The following ARFGAP2 variants were observed in gnomAD, a reference collection of about 807,000 sequenced individuals.
ARFGAP2 encodes ARF GTPase activating protein 2.
A neutral mutation model predicts 71.9 loss-of-function variants in ARFGAP2; 45 were observed. The observed-to-expected ratio is 0.63, with a 90% confidence interval of 0.49 to 0.80. The LOEUF (loss-of-function observed/expected upper bound fraction) is 0.80, where lower values mean the gene tolerates loss of function less well. Among genes scored for constraint, ARFGAP2 ranks in the 30% least tolerant of loss-of-function variants. The probability of loss-of-function intolerance (pLI) is 0.00; values close to 1 mark genes in which losing one functional copy is unlikely to be tolerated. For synonymous variants in ARFGAP2, 248 were observed against 249.2 expected (o/e 1.00, Z 0.05); for missense variants, 633 against 673.9 (o/e 0.94, Z 0.67).
intron 15 of ARFGAP2, 96 bp downstream of exon 15, chr11:47,166,171 CT>C (rs1952366557): frequency 7.6e-7 from 1 of 1,313,322 alleles, no homozygotes; most frequent in Admixed American, 1.8e-5. Context: ...CGAAAATGCT[CT>C]TAAGGCTCAG....
Position 47,166,578 on chromosome 11 carries a change from G to A in ARFGAP2, c.1354C>T (p.Gln452Ter), listed in dbSNP as rs1324705760. ...DAEYEARSRL[Q>*]QLSGSSAISS... is the part of the protein sequence containing the mutation. Reference sequence around the variant, plus strand: ...ATGGCACTGCTGCCTGAGAGCTGCTGCAGCCGAGACCTGGCCTCATACTGT... The same window carrying A: ...ATGGCACTGCTGCCTGAGAGCTGCTACAGCCGAGACCTGGCCTCATACTGT... Residue 452 changes from glutamine to a stop codon, truncating the protein, a stop_gained, in exon 14 of 16, where the codon CAG becomes TAG. Transcript: ENST00000524782. LOFTEE classifies it high-confidence loss of function. The A allele has an allele frequency of 1.9e-6, 3 of 1,612,126 alleles. No homozygotes were observed. Among genetic ancestry groups the A allele is most frequent in the Admixed American group, 1.7e-5 (1 of 60,008 alleles).
At chr11:47,173,385 C>A in intron 7 of ARFGAP2, 41 bp downstream of exon 7, 1 of 1,551,078 alleles carries the variant, frequency 6.4e-7, no homozygotes, top group South Asian at 1.2e-5. Context: ...TGAGGTCCAC[C>A]CTCTCCCAGA....
intron 7 of ARFGAP2, chr11:47,172,994 T>C (rs529353830): frequency 1.7e-5 from 6 of 353,014 alleles, no homozygotes; most frequent in Admixed American, 7.9e-5. Context: ...AAGGAAAATG[T>C]AGGAAAGAGT....
intron 8 of ARFGAP2, 165 bp from the exon 9 acceptor site, chr11:47,171,965 G>A: frequency 9.1e-7 from 1 of 1,104,068 alleles, no homozygotes; most frequent in East Asian, 2.5e-5. Context: ...CTCCGCTGGA[G>A]CTGGGCATGG....
Position 47,173,886 on chromosome 11 carries a change from C to T in ARFGAP2, c.481-46G>A, listed in dbSNP as rs759332918. On this transcript the variant is annotated intron_variant, in intron 5 of 15. Coordinates refer to ENST00000524782, the MANE Select transcript of ARFGAP2 (RefSeq NM_032389.6). ...CAGATGCCTCGGTGAGCCACTCCTG[C>T]TGGCAAGAAGCACCAAGACCTACAA... The T allele has an allele frequency of 7.1e-6, 11 of 1,559,706 alleles. 1 individual carries two copies. The South Asian group carries it at 8.2e-5, about 12-fold the overall frequency.
Position 47,167,615 on chromosome 11 carries a change from A to G in ARFGAP2, c.1205+294T>C, listed in dbSNP as rs368104606. On this transcript the variant is annotated intron_variant, in intron 12 of 15. Transcript: ENST00000524782. Reference sequence around the variant, plus strand: ...AGCTGCCAGGCCCTCTATGATGACAAAGCACAACTCAAACCGAAGCCTGAC... The same window carrying G: ...AGCTGCCAGGCCCTCTATGATGACAGAGCACAACTCAAACCGAAGCCTGAC... Among the ~76,000 whole-genome samples, 39 of 152,306 alleles carry G rather than the reference A, an allele frequency of 2.6e-4. No individual in the cohort carries two copies. In the South Asian group the frequency reaches 7.9e-3, roughly 31 times the overall value.
Position 47,174,034 on chromosome 11 carries a change from ACC to A in ARFGAP2, c.481-196_481-195del, listed in dbSNP as rs1393043448. The A allele has an allele frequency of 2.3e-5, 23 of 1,008,198 alleles. No homozygotes were observed. The East Asian group carries it at 5.9e-4, about 26-fold the overall frequency. The allele number at this position is 1,008,198 out of a possible 1,614,324, so 62.5% of individuals were successfully genotyped here. A position where few individuals can be genotyped will look rare whatever the true frequency, so the allele number is the denominator to read the frequency against. ...AGGAAGACAAGCAGCCCCCACCCCA[ACC>A]CCTTCACTATTTACTTAGAGCCAGA... is the stretch of plus-strand genomic sequence containing the variant. On this transcript the variant is annotated intron_variant, in intron 5 of 15. Transcript: ENST00000524782.
At chr11:47,167,744 T>A (rs1210416372) in intron 12 of ARFGAP2, among the ~76,000 whole-genome samples, 165 bp downstream of exon 12, 2 of 152,016 alleles carry the variant, frequency 1.3e-5, no homozygotes, top group African/African-American at 4.8e-5. Flanking sequence ...CCAACCACAT[T>A]TTAAGGGCTC....
chr11:47,172,566 G>A (rs1014265798), intron 7 of ARFGAP2: 1 of 1,077,838 alleles, frequency 9.3e-7, no homozygotes, highest in African/African-American at 1.6e-5. Flanking sequence ...AAGCACCAGA[G>A]ACGTCCGAAG....
chr11:47,170,646 C>CA lies in ARFGAP2; in HGVS notation c.941+779dup, dbSNP rs1206337815. 3.9e-5 allele frequency among the ~76,000 whole-genome samples: 6 copies of CA among 152,040 alleles called. No homozygotes were observed. The East Asian group carries it at 1.2e-3, about 29-fold the overall frequency. ...TGGGTGACAGAGTGAGACTTTGTCT[C>CA]AAAAAATAAAAATAAAAAGCCATAG... On this transcript the variant is annotated intron_variant, in intron 10 of 15. Coordinates refer to ENST00000524782, the MANE Select transcript of ARFGAP2 (RefSeq NM_032389.6).
rs1469771889 is a variant in ARFGAP2 at position 47,173,805 on chromosome 11, T to G, written c.516A>C (p.Ser172=). The G allele has an allele frequency of 2.5e-6, 4 of 1,605,792 alleles. No individual in the cohort carries two copies. The highest frequency in any genetic ancestry group is 3.4e-6 in the Non-Finnish European group (4 of 1,176,322). Residue 172 remains serine, a synonymous_variant, in exon 6 of 16, where the codon TCA becomes TCC. Transcript: ENST00000524782. ...TAGACGGGGCTGGCTGCTGGGTCCCTGAAGGCTCAGTGGCTGGCGCATCCC... is the reference window on the plus strand; with the variant it reads ...TAGACGGGGCTGGCTGCTGGGTCCCGGAAGGCTCAGTGGCTGGCGCATCCC... ...PAWDAPATEP[S]GTQQPAPSTE...
rs773032694 is a variant in ARFGAP2 at position 47,171,648 on chromosome 11, G to A, written c.809+16C>T. 9.3e-6 allele frequency: 15 copies of A among 1,613,604 alleles called. No individual in the cohort carries two copies. Among genetic ancestry groups the A allele is most frequent in the Non-Finnish European group, 1.1e-5 (13 of 1,180,018 alleles). On this transcript the variant is annotated intron_variant, in intron 9 of 15. Transcript: ENST00000524782. ...AAGCCCCGCAGAAGCCTGAGGCCCC[G>A]GCAGCAAACACTTACATGGACTCCT... is the stretch of plus-strand genomic sequence containing the variant.
At position 47,175,937 on chromosome 11, in the gene ARFGAP2, C is replaced by T. The variant is rs1319082391; in HGVS notation, c.192-14G>A. On this transcript the variant is annotated splice_polypyrimidine_tract_variant and intron_variant, in intron 2 of 15. Transcript: ENST00000524782. Reference sequence around the variant, plus strand: ...AACTCTGTGGACCTGTGTACAAGGGCTGCGTCTCACCCACTAGCAGATACC... The same window carrying T: ...AACTCTGTGGACCTGTGTACAAGGGTTGCGTCTCACCCACTAGCAGATACC... The T allele has an allele frequency of 6.2e-7, 1 of 1,613,696 alleles. No homozygotes were observed. Among genetic ancestry groups the T allele is most frequent in the Admixed American group, 1.7e-5 (1 of 59,968 alleles).
At chr11:47,168,435 A>G (rs376735201) in intron 10 of ARFGAP2, 184 bp from the exon 11 acceptor site, 29 of 677,754 alleles carry the variant, frequency 4.3e-5, no homozygotes, top group African/African-American at 7.2e-5. Flanking sequence ...TGACCTGTGA[A>G]GCACACCTCA....
At position 47,166,854 on chromosome 11, in the gene ARFGAP2, C is replaced by T. The variant is rs1208631394; in HGVS notation, c.1238G>A (p.Ser413Asn). Residue 413 changes from serine to asparagine, a missense_variant, in exon 13 of 16, where the codon AGC becomes AAC. Coordinates refer to ENST00000524782, the MANE Select transcript of ARFGAP2 (RefSeq NM_032389.6). ...ATNRREVESRSSGLESSEARQ... is the reference protein window; with the variant it reads ...ATNRREVESRNSGLESSEARQ... ...CGCCTCACTAGACTCGAGGCCTGAG[C>T]TCCGGCTCTCCACTTCCCTCCGGTT... The T allele has an allele frequency of 6.2e-7, 1 of 1,613,928 alleles. No homozygotes were observed. The highest frequency in any genetic ancestry group is 1.3e-5 in the African/African-American group (1 of 74,950).
In ARFGAP2 at chr11:47,171,865, G is replaced by A; in HGVS notation, c.673-65C>T. The A allele has an allele frequency of 1.3e-6, 2 of 1,589,810 alleles. 1 individual carries two copies. Among genetic ancestry groups the A allele is most frequent in the South Asian group, 2.2e-5 (2 of 89,682 alleles). ...TCTCCTCAGATCCCTCCCAGGTTCA[G>A]GCACTGTAGCCACACCCACAAGGAA... On this transcript the variant is annotated intron_variant, in intron 8 of 15. Transcript: ENST00000524782.
intron 5 of ARFGAP2, among the ~76,000 whole-genome samples, chr11:47,174,249 G>C (rs1952707951): frequency 6.6e-6 from 1 of 151,696 alleles, no homozygotes; most frequent in South Asian, 2.1e-4. Flanking sequence ...GCGGAGTAGA[G>C]AACAGGAATT....
rs779913915 is a variant in ARFGAP2, at chr11:47,167,943, C to A, written c.1171G>T (p.Val391Leu). The change falls in exon 12 of 16, where the codon GTG (valine) becomes TTG (leucine). Residue 391 changes from valine to leucine, a missense_variant. Physicochemically the swap from Val to Leu is conservative, Grantham distance 32. Coordinates refer to ENST00000524782, the MANE Select transcript of ARFGAP2 (RefSeq NM_032389.6). ...ATAGGCCGGATGCTTGAGATGGTCA[C>A]TTCTGGCTCCTTCTCCTCTACCCTG... is the stretch of plus-strand genomic sequence containing the variant. ...MDRVEEKEPE[V>L]TISSIRPISE... 6.2e-7 allele frequency: 1 copy of A among 1,613,610 alleles called. No individual in the cohort carries two copies. Among genetic ancestry groups the A allele is most frequent in the South Asian group, 1.1e-5 (1 of 91,022 alleles).
In ARFGAP2 at chr11:47,164,393, C is replaced by G. The variant is rs891197457; in HGVS notation, c.*1089G>C. 4.0e-6 allele frequency: 4 copies of G among 991,956 alleles called. No individual in the cohort carries two copies. Among genetic ancestry groups the G allele is most frequent in the Non-Finnish European group, 2.8e-6 (2 of 707,160 alleles). The allele number at this position is 991,956 out of a possible 1,614,324, so 61.4% of individuals were successfully genotyped here. On this transcript the variant is annotated 3_prime_UTR_variant, in exon 16 of 16. Transcript: ENST00000524782. ...AAACAGTCCAGAAAGAAAGTCAAGT[C>G]CCTCTGGGGGAGGGGCAAGGGGAAG...
Sources: gnomAD v4.1 joint callset for allele counts (sites outside exome capture counted in the v4.1 genomes callset) on GRCh38, gnomAD v4.1.1 for gene constraint, MANE v1.5 for transcripts, NCBI Gene and HGNC (gene_info 2026-07-23, HGNC 2026-07-21) for gene names.